VIPR2: variants seen among roughly 807,000 people sequenced by gnomAD.
VIPR2 encodes vasoactive intestinal polypeptide receptor 2.
Under a neutral mutation model 58.0 loss-of-function variants are expected in VIPR2, and 48 were observed. The ratio of observed to expected loss-of-function variants is 0.83; its 90% CI spans 0.66 to 1.05. The LOEUF (loss-of-function observed/expected upper bound fraction) is 1.05. Ranked by LOEUF, VIPR2 falls within the 50% of genes least tolerant of loss-of-function variation. VIPR2 has a pLI of 0.00. For synonymous variants in VIPR2, 243 were observed against 235.2 expected (o/e 1.03, Z -0.30); for missense variants, 534 against 558.0 (o/e 0.96, Z 0.43).
In VIPR2 at chr7:159,109,862, G is replaced by A. The variant is rs775851771; in HGVS notation, c.209C>T (p.Thr70Ile). 1.9e-6 allele frequency: 3 copies of A among 1,614,152 alleles called. No individual in the cohort carries two copies. The highest frequency in any genetic ancestry group is 2.2e-5 in the South Asian group (2 of 91,078). The change falls in exon 3 of 13, where the codon ACC becomes ATC. Residue 70 changes from threonine to isoleucine, a missense_variant. Physicochemically the swap from Thr to Ile is moderately conservative, Grantham distance 89 (BLOSUM62 -1). Transcript: ENST00000262178. Reference protein sequence around the residue: ...TCWRPANVGETVTVPCPKVFS... With the variant: ...TCWRPANVGEIVTVPCPKVFS... ...GACTTTTGGGCAGGGCACCGTGACGGTCTCTCCCACATTGGCAGGCCGCCA... is the reference window on the plus strand; with the variant it reads ...GACTTTTGGGCAGGGCACCGTGACGATCTCTCCCACATTGGCAGGCCGCCA...
At chr7:159,054,664 G>A (rs927247460) in intron 5 of VIPR2, among the ~76,000 whole-genome samples, 8 of 152,314 alleles carry the variant, frequency 5.3e-5, no homozygotes, top group Middle Eastern at 3.4e-3. Context: ...GGACAATACC[G>A]AATGGAGGCA....
intron 4 of VIPR2, among the ~76,000 whole-genome samples, chr7:159,094,249 G>A (rs995739087): frequency 3.3e-5 from 5 of 152,184 alleles, no homozygotes; most frequent in South Asian, 4.1e-4. Flanking sequence ...AAGAGGCCAC[G>A]GGGTCTCTGA....
intron 5 of VIPR2, among the ~76,000 whole-genome samples, chr7:159,049,547 A>C (rs965167073): frequency 6.6e-6 from 1 of 152,234 alleles, no homozygotes; most frequent in East Asian, 1.9e-4. Flanking sequence ...GCCACAGCAG[A>C]AACGGGAGAT....
chr7:159,110,004 G>A (rs142911787), intron 2 of VIPR2, 85 bp from the exon 3 acceptor site: 31 of 1,274,666 alleles, frequency 2.4e-5, no homozygotes, highest in Middle Eastern at 2.0e-4. Flanking sequence ...TAACTGCCTC[G>A]CAAACTCCTT....
chr7:159,039,608 T>TTGCCACAGGGGTGGCGAC (rs1563262060), intron 6 of VIPR2, among the ~76,000 whole-genome samples: 2 of 152,084 alleles, frequency 1.3e-5, no homozygotes, highest in South Asian at 2.1e-4. Context: ...TGGGTGGCGC[T>TTGCCACAGGGGTGGCGAC]TTGCGATGGG....
intron 9 of VIPR2, 37 bp from the exon 10 acceptor site, chr7:159,034,341 T>C (rs1563255268): frequency 5.0e-6 from 8 of 1,602,012 alleles, no homozygotes; most frequent in Non-Finnish European, 6.8e-6. Context: ...AACAGACACG[T>C]GGATCCCTAA....
chr7:159,050,208 A>T (rs1246005640), intron 5 of VIPR2, among the ~76,000 whole-genome samples: 1 of 152,016 alleles, frequency 6.6e-6, no homozygotes, highest in Non-Finnish European at 1.5e-5. Context: ...ATGGTGGTGC[A>T]CGCTTGTAAT....
chr7:159,094,499 C>T (rs1457871637), intron 4 of VIPR2, among the ~76,000 whole-genome samples: 4 of 152,202 alleles, frequency 2.6e-5, no homozygotes, highest in African/African-American at 7.2e-5. Context: ...GCACAGGCAC[C>T]GGAGACATCC....
Position 159,099,122 on chromosome 7 carries a change from A to T in VIPR2, c.357+4635T>A, listed in dbSNP as rs945487549. The stretch of plus-strand genomic sequence containing the variant: ...AAGTATTCAACGAGCAGAAACTGCA[A>T]CAGGAAGAAAAATTATTCATTTTGG... On this transcript the variant is annotated intron_variant, in intron 4 of 12. Transcript: ENST00000262178. The surrounding 1 kb of genome is among the most constrained non-coding windows in gnomAD (Gnocchi z 4.2). Among the ~76,000 whole-genome samples the T allele has an allele frequency of 6.6e-6, 1 of 152,268 alleles. No homozygotes were observed. Among genetic ancestry groups the T allele is most frequent in the African/African-American group, 2.4e-5 (1 of 41,470 alleles).
chr7:159,043,534 C>T (rs1414116911), intron 5 of VIPR2, among the ~76,000 whole-genome samples: 1 of 152,002 alleles, frequency 6.6e-6, no homozygotes, highest in Non-Finnish European at 1.5e-5. Context: ...CAAGAAACAA[C>T]AACAACAACA....
chr7:159,115,492 G>T (rs868297896), intron 2 of VIPR2, among the ~76,000 whole-genome samples: 2 of 152,256 alleles, frequency 1.3e-5, no homozygotes, highest in Admixed American at 1.3e-4. Context: ...AAACTTGGCA[G>T]AGGGGTAGAG....
At chr7:159,105,081 G>C (rs1858566445) in intron 3 of VIPR2, among the ~76,000 whole-genome samples, 1 of 152,224 alleles carries the variant, frequency 6.6e-6, no homozygotes, top group Admixed American at 6.5e-5. Flanking sequence ...TCATATGTAA[G>C]CTCAGAAATT....
At chr7:159,067,022 C>A (rs1347813908) in intron 4 of VIPR2, among the ~76,000 whole-genome samples, 1 of 152,160 alleles carries the variant, frequency 6.6e-6, no homozygotes, top group Non-Finnish European at 1.5e-5. Flanking sequence ...ATACTGAGAT[C>A]GAAGTTAATT....
chr7:159,060,690 C>A lies in VIPR2; in HGVS notation c.358-2112G>T, dbSNP rs12672458. On this transcript the variant is annotated intron_variant, in intron 4 of 12. Transcript: ENST00000262178. ...CTTCACCTCACCTAACCACTAACCT[C>A]ACTTCACCTAACCACCACTCTGAAC... 1.5e-3 allele frequency among the ~76,000 whole-genome samples: 235 copies of A among 152,172 alleles called. 1 individual carries two copies. In the East Asian group the frequency reaches 0.019, roughly 12 times the overall value.
chr7:159,112,991 G>C (rs1796096842), intron 2 of VIPR2, among the ~76,000 whole-genome samples: 1 of 152,226 alleles, frequency 6.6e-6, no homozygotes, highest in African/African-American at 2.4e-5. Context: ...TGCCTGCCTG[G>C]GGCCAGACCC....
intron 4 of VIPR2, among the ~76,000 whole-genome samples, chr7:159,102,221 A>T (rs1356044542): frequency 6.6e-6 from 1 of 150,816 alleles, no homozygotes; most frequent in African/African-American, 2.4e-5. Context: ...GTCTCAGAAG[A>T]TCCGATGAGG....
chr7:159,070,738 A>G (rs890066672), intron 4 of VIPR2, among the ~76,000 whole-genome samples: 3 of 152,274 alleles, frequency 2.0e-5, no homozygotes, highest in African/African-American at 7.2e-5. Flanking sequence ...AGAAGAATAG[A>G]AAGGGCTACA....
chr7:159,097,306 G>A lies in VIPR2; in HGVS notation c.357+6451C>T. The A allele has an allele frequency of 7.7e-7, 1 of 1,304,908 alleles. No homozygotes were observed. The highest frequency in any genetic ancestry group is 2.8e-4 in the Middle Eastern group (1 of 3,532). The allele number at this position is 1,304,908 out of a possible 1,614,324, so 80.8% of individuals were successfully genotyped here. ...TAACACGGAAGAAATGTGTGCACTT[G>A]AAGCATGGGGAGGCCGAAATGCCAA... On this transcript the variant is annotated intron_variant, in intron 4 of 12. Coordinates refer to ENST00000262178, the MANE Select transcript of VIPR2 (RefSeq NM_003382.5). The surrounding 1 kb of genome is among the most constrained non-coding windows in gnomAD (Gnocchi z 5.3).
At chr7:159,068,599 G>A (rs979800908) in intron 4 of VIPR2, among the ~76,000 whole-genome samples, 3 of 152,358 alleles carry the variant, frequency 2.0e-5, no homozygotes, top group South Asian at 2.1e-4. Context: ...AAAGCCTGCC[G>A]GGGCCAGGAC....
Sources: gnomAD v4.1 joint callset for allele counts (sites outside exome capture counted in the v4.1 genomes callset) on GRCh38, gnomAD v4.1.1 for gene constraint, Gnocchi (gnomAD v3.1) non-coding constraint, MANE v1.5 for transcripts, NCBI Gene and HGNC (gene_info 2026-07-23, HGNC 2026-07-21) for gene names.